The following PPP1R12B variants were observed in gnomAD, a reference collection of about 807,000 sequenced individuals.
PPP1R12B encodes the protein myosin phosphatase target subunit 2.
In PPP1R12B, 76 loss-of-function variants were observed where a neutral mutation model predicts 126.1. The observed-to-expected ratio is 0.60, with a 90% CI of 0.50 to 0.73. PPP1R12B has a LOEUF of 0.73. Ranked by LOEUF, PPP1R12B falls within the 30% of genes least tolerant of loss-of-function variation. The pLI, the probability that PPP1R12B is intolerant of heterozygous loss-of-function variation, is 0.00. For missense variants in PPP1R12B, 1,052 were observed against 1,205.1 expected (o/e 0.87, Z 1.88); for synonymous variants, 356 against 434.7 (o/e 0.82, Z 2.25).
Position 202,588,827 on chromosome 1 carries a change from A to ATAGAT in PPP1R12B, c.*8268_*8272dup, listed in dbSNP as rs1553332050. The ATAGAT allele has an allele frequency of 5.0e-5, 6 of 120,586 alleles. No individual in the cohort carries two copies. The South Asian group carries it at 1.1e-3, about 23-fold the overall frequency. The allele number at this position is 120,586 out of a possible 1,614,324, so 7.5% of individuals were successfully genotyped here. A position where few individuals can be genotyped will look rare whatever the true frequency, so the allele number is the denominator to read the frequency against. On this transcript the variant is annotated 3_prime_UTR_variant, in exon 24 of 24. Coordinates refer to ENST00000608999, the MANE Select transcript of PPP1R12B (RefSeq NM_002481.4). ...GATTGGCGTTCAAAAGAACCGTAAG[A>ATAGAT]TAGATAGATAGATAGATAGATAGAT...
Position 202,358,539 on chromosome 1 carries a change from G to A in PPP1R12B, c.291+9397G>A, listed in dbSNP as rs145363583. ...CTACTAAATATACAAAAAATTAGCC[G>A]GGCGTGGTCGCACGCGCCTGTTGTC... On this transcript the variant is annotated intron_variant, in intron 1 of 23. Transcript: ENST00000608999. 2.6e-3 allele frequency among the ~76,000 whole-genome samples: 391 copies of A among 152,118 alleles called. 3 individuals carry two copies. The East Asian group carries it at 0.036, about 14-fold the overall frequency.
intron 1 of PPP1R12B, among the ~76,000 whole-genome samples, chr1:202,359,772 C>G (rs1657828471): frequency 6.6e-6 from 1 of 152,116 alleles, no homozygotes; most frequent in Non-Finnish European, 1.5e-5. Flanking sequence ...CCACTGCACT[C>G]CAGCCTGGGT....
intron 18 of PPP1R12B, among the ~76,000 whole-genome samples, chr1:202,507,202 A>G (rs1395240509): frequency 4.6e-5 from 7 of 152,236 alleles, no homozygotes; most frequent in Non-Finnish European, 8.8e-5. Context: ...CATAATGCGT[A>G]CATCATGCTA....
intron 13 of PPP1R12B, among the ~76,000 whole-genome samples, chr1:202,483,780 T>C (rs574547670): frequency 6.6e-6 from 1 of 152,356 alleles, no homozygotes; most frequent in African/African-American, 2.4e-5. Context: ...ATTTGCTTTA[T>C]ATATCTGGGC....
At chr1:202,563,154 T>C (rs576827934) in intron 20 of PPP1R12B, among the ~76,000 whole-genome samples, 105 of 152,376 alleles carry the variant, frequency 6.9e-4, no homozygotes, top group Non-Finnish European at 1.3e-3. Flanking sequence ...GGTCTCATTG[T>C]TACCCAGGCT....
At chr1:202,388,549 A>AGGCCTTTT (rs1663554508) in intron 1 of PPP1R12B, among the ~76,000 whole-genome samples, 1 of 152,188 alleles carries the variant, frequency 6.6e-6, no homozygotes, top group South Asian at 2.1e-4. Flanking sequence ...ATTATAAAGA[A>AGGCCTTTT]CATGAAAGAA....
At chr1:202,455,073 G>T (rs1673445864) in intron 13 of PPP1R12B, among the ~76,000 whole-genome samples, 1 of 152,124 alleles carries the variant, frequency 6.6e-6, no homozygotes, top group Non-Finnish European at 1.5e-5. Flanking sequence ...CAATTGAAAA[G>T]ATACTGAGGT....
intron 6 of PPP1R12B, among the ~76,000 whole-genome samples, chr1:202,429,680 A>T (rs955598225): frequency 3.9e-5 from 6 of 152,188 alleles, no homozygotes; most frequent in Admixed American, 3.9e-4. Context: ...GATTAATGAC[A>T]TTAGGGTGGG....
In PPP1R12B at chr1:202,583,673, G is replaced by C. The variant is rs992128605; in HGVS notation, c.*3113G>C. On this transcript the variant is annotated 3_prime_UTR_variant, in exon 24 of 24. Transcript: ENST00000608999. ...TTCTCTCTGGATACTGGCATCAGCA[G>C]GTCTCCTTTTTCTTGTGCTGCTTGG... The C allele has an allele frequency of 6.6e-6, 1 of 152,184 alleles. No homozygotes were observed. The highest frequency in any genetic ancestry group is 2.4e-5 in the African/African-American group (1 of 41,430). The allele number at this position is 152,184 out of a possible 1,614,324, so 9.4% of individuals were successfully genotyped here.
At chr1:202,562,507 T>G in intron 19 of PPP1R12B, 1 of 511,726 alleles carries the variant, frequency 2.0e-6, no homozygotes, top group Non-Finnish European at 3.6e-6. Context: ...GCTCTTAAGA[T>G]TTAAGTCAGC....
intron 18 of PPP1R12B, among the ~76,000 whole-genome samples, chr1:202,522,554 TAAA>T (rs1395906538): frequency 3.3e-5 from 5 of 151,694 alleles, no homozygotes; most frequent in African/African-American, 1.2e-4. Flanking sequence ...GGAAAGAAGA[TAAA>T]AAGAAGCAAA....
chr1:202,405,702 C>T (rs1286391787), intron 1 of PPP1R12B, among the ~76,000 whole-genome samples: 1 of 152,100 alleles, frequency 6.6e-6, no homozygotes, highest in African/African-American at 2.4e-5. Context: ...ACTACTTAAC[C>T]AGTAGACCTG....
chr1:202,443,108 G>C, intron 12 of PPP1R12B: 1 of 984,148 alleles, frequency 1.0e-6, no homozygotes. Context: ...TGTGAAACTC[G>C]CAAGTTTGGT....
intron 18 of PPP1R12B, among the ~76,000 whole-genome samples, chr1:202,551,046 A>G (rs1018513927): frequency 6.6e-6 from 1 of 152,240 alleles, no homozygotes; most frequent in African/African-American, 2.4e-5. Flanking sequence ...ACAACAAAAG[A>G]TGAGTCTATC....
At chr1:202,483,278 C>CTTTT (rs71281161) in intron 13 of PPP1R12B, among the ~76,000 whole-genome samples, 39 of 118,492 alleles carry the variant, frequency 3.3e-4, no homozygotes, top group East Asian at 5.1e-4. Flanking sequence ...TGAAGAACAC[C>CTTTT]TTTTTTTTTT....
At chr1:202,515,352 CT>C (rs1682007803) in intron 18 of PPP1R12B, among the ~76,000 whole-genome samples, 1 of 152,094 alleles carries the variant, frequency 6.6e-6, no homozygotes, top group African/African-American at 2.4e-5. Context: ...GGAATGAAAA[CT>C]TTCAAAGACT....
chr1:202,485,581 AC>A (rs1678001480), intron 13 of PPP1R12B, among the ~76,000 whole-genome samples: 1 of 152,046 alleles, frequency 6.6e-6, no homozygotes, highest in Non-Finnish European at 1.5e-5. Flanking sequence ...TCTCCAGCTT[AC>A]GTTTTTCCCT....
At chr1:202,538,520 AAAG>A (rs1684781084) in intron 18 of PPP1R12B, among the ~76,000 whole-genome samples, 1 of 152,244 alleles carries the variant, frequency 6.6e-6, no homozygotes, top group African/African-American at 2.4e-5. Flanking sequence ...TCATAGGAAT[AAAG>A]AAGTTGTCAA....
At chr1:202,520,789 GA>G (rs1682697519) in intron 18 of PPP1R12B, among the ~76,000 whole-genome samples, 1 of 151,984 alleles carries the variant, frequency 6.6e-6, no homozygotes, top group African/African-American at 2.4e-5. Context: ...TTCAAAAACA[GA>G]GAAATTATGC....
Sources: allele counts gnomAD v4.1 joint callset (sites outside exome capture counted in the v4.1 genomes callset), GRCh38; gene constraint gnomAD v4.1.1; transcripts MANE v1.5; gene names NCBI Gene and HGNC (gene_info 2026-07-23, HGNC 2026-07-21).